CNPPD1: variants seen among roughly 807,000 people sequenced by gnomAD.
The protein encoded by CNPPD1 is cyclin Pas1/PHO80 domain containing 1.
In CNPPD1, 40 loss-of-function variants were observed where a neutral mutation model predicts 43.7. The observed-to-expected ratio is 0.92, with a 90% CI of 0.71 to 1.19. The LOEUF (loss-of-function observed/expected upper bound fraction) is 1.19. Ranked by LOEUF, CNPPD1 falls within the 50% of genes most tolerant of loss-of-function variation. The probability of loss-of-function intolerance (pLI) is 0.00; values close to 1 mark genes in which losing one functional copy is unlikely to be tolerated. For synonymous variants in CNPPD1, 208 were observed against 214.3 expected (o/e 0.97, Z 0.26); for missense variants, 511 against 518.5 (o/e 0.99, Z 0.14).
At chr2:219,177,119 G>A (rs1950186205), upstream of CNPPD1, 1 of 346,814 alleles carries the variant, frequency 2.9e-6, no homozygotes, top group East Asian at 4.5e-5. Flanking sequence ...GGAGCAGAAA[G>A]GAGATGCGGC....
chr2:219,176,747 GACCCCCACTC>G lies in CNPPD1; in HGVS notation c.69+3_69+12del. The G allele has an allele frequency of 6.4e-7, 1 of 1,557,174 alleles. No individual in the cohort carries two copies. Among genetic ancestry groups the G allele is most frequent in the East Asian group, 2.4e-5 (1 of 41,772 alleles). Reference sequence around the variant, plus strand: ...CGCCGGGAGGCCGGGGAGGGGGCGGGACCCCCACTCACCGTGAAGTCCTGGAAGCCGGCGA... The same window carrying G: ...CGCCGGGAGGCCGGGGAGGGGGCGGGACCGTGAAGTCCTGGAAGCCGGCGA... On this transcript the variant is annotated splice_donor_5th_base_variant and intron_variant, in intron 1 of 7. Transcript: ENST00000360507.
In CNPPD1 at chr2:219,175,142, A is replaced by G. The variant is rs1054047310; in HGVS notation, c.261-34T>C. 3.9e-6 allele frequency: 6 copies of G among 1,542,440 alleles called. No homozygotes were observed. The African/African-American group carries it at 6.9e-5, about 18-fold the overall frequency. On this transcript the variant is annotated intron_variant, in intron 3 of 7. Coordinates refer to ENST00000360507, the MANE Select transcript of CNPPD1 (RefSeq NM_015680.6). The stretch of plus-strand genomic sequence containing the variant: ...TAGAAAGGATCACTAATTAAACCCA[A>G]GGGTCCTTCAGCTCTTGCAAGTCTT...
chr2:219,175,112 G>A lies in CNPPD1; in HGVS notation c.261-4C>T. 1 of 1,584,224 alleles carries A rather than the reference G, an allele frequency of 6.3e-7. No individual in the cohort carries two copies. The highest frequency in any genetic ancestry group is 8.6e-7 in the Non-Finnish European group (1 of 1,166,818). On this transcript the variant is annotated splice_region_variant and splice_polypyrimidine_tract_variant and intron_variant, in intron 3 of 7. Transcript: ENST00000360507. Reference sequence around the variant, plus strand: ...ACATGGGGAGATGCATGCCTCCCTGGGTGGTAGAAAGGATCACTAATTAAA... The same window carrying A: ...ACATGGGGAGATGCATGCCTCCCTGAGTGGTAGAAAGGATCACTAATTAAA...
In CNPPD1 at chr2:219,174,788, AG is replaced by A; in HGVS notation, c.499del (p.Leu167Ter). On this transcript the variant is annotated frameshift_variant, in exon 5 of 8. Transcript: ENST00000360507. LOFTEE classifies it high-confidence loss of function. ...PTLNALERGF[L>X]SAMDWHLYTD... Reference sequence around the variant, plus strand: ...AGAACAGCTGCTCACCATGGCACTCAGGAAGCCCCTCTCCAAGGCATTGAGA... The same window carrying A: ...AGAACAGCTGCTCACCATGGCACTCAGAAGCCCCTCTCCAAGGCATTGAGA... 3.7e-6 allele frequency: 6 copies of A among 1,602,302 alleles called. No individual in the cohort carries two copies. Among genetic ancestry groups the A allele is most frequent in the Non-Finnish European group, 5.1e-6 (6 of 1,172,536 alleles).
At position 219,172,686 on chromosome 2, in the gene CNPPD1, GGCC is replaced by G; in HGVS notation, c.1130_1132del (p.Trp377_Pro378delinsSer). 6.2e-7 allele frequency: 1 copy of G among 1,614,064 alleles called. No individual in the cohort carries two copies. The highest frequency in any genetic ancestry group is 8.5e-7 in the Non-Finnish European group (1 of 1,179,956). The stretch of plus-strand genomic sequence containing the variant: ...AAGTGAAAGGAGCACCGGGCTCCAA[GGCC>G]AGGGGGGAGCCAGGCCATAGGTATG... On this transcript the variant is annotated inframe_deletion, in exon 8 of 8. Transcript: ENST00000360507.
At position 219,172,603 on chromosome 2, in the gene CNPPD1, A is replaced by C. The variant is rs966845468; in HGVS notation, c.1216T>G (p.Phe406Val). The C allele has an allele frequency of 1.9e-6, 3 of 1,614,040 alleles. No individual in the cohort carries two copies. The highest frequency in any genetic ancestry group is 2.7e-5 in the African/African-American group (2 of 74,922). ...SVMELARLKSFVFPG is the reference protein window; with the variant it reads ...SVMELARLKSVVFPG Reference sequence around the variant, plus strand: ...AGCCCTACCTAGCCTGGGAAAACGAAAGACTTGAGGCGAGCCAGCTCCATG... The same window carrying C: ...AGCCCTACCTAGCCTGGGAAAACGACAGACTTGAGGCGAGCCAGCTCCATG... The change falls in exon 8 of 8, where the codon TTC (phenylalanine) becomes GTC (valine). Residue 406 changes from phenylalanine to valine, a missense_variant. Phe to Val is a conservative substitution (Grantham distance 50, BLOSUM62 -1). Coordinates refer to ENST00000360507, the MANE Select transcript of CNPPD1 (RefSeq NM_015680.6).
intron 5 of CNPPD1, 117 bp from the exon 6 acceptor site, chr2:219,174,324 C>T: frequency 3.0e-6 from 3 of 1,000,014 alleles, no homozygotes; most frequent in Non-Finnish European, 1.6e-6. Context: ...TTGGCACTTA[C>T]CATGTGCCAG....
At chr2:219,173,304 C>G in intron 7 of CNPPD1, 46 bp downstream of exon 7, 1 of 1,559,748 alleles carries the variant, frequency 6.4e-7, no homozygotes, top group Middle Eastern at 1.9e-4. Context: ...TCCCACCCTA[C>G]ACACCGGCCT....
chr2:219,176,488 G>A (rs1950163839), intron 1 of CNPPD1, 157 bp from the exon 2 acceptor site: 3 of 633,186 alleles, frequency 4.7e-6, no homozygotes, highest in Non-Finnish European at 8.2e-6. Flanking sequence ...GCTTGCCAAT[G>A]GCAGCCTGGT....
chr2:219,177,907 T>TG (rs1330112351), upstream of CNPPD1: 1 of 152,520 alleles, frequency 6.6e-6, no homozygotes, highest in Non-Finnish European at 1.5e-5. Context: ...GGTTGAGTAA[T>TG]GGGACGGCCA....
At chr2:219,174,089 G>T in intron 6 of CNPPD1, 57 bp downstream of exon 6, 1 of 1,518,150 alleles carries the variant, frequency 6.6e-7, no homozygotes. Context: ...AGCTCCTATG[G>T]CTGAGGACTC....
intron 7 of CNPPD1, 71 bp from the exon 8 acceptor site, chr2:219,173,199 G>A: frequency 6.7e-7 from 1 of 1,488,342 alleles, no homozygotes; most frequent in East Asian, 2.3e-5. Context: ...AGAAATCTGT[G>A]TTCCAGTTGG....
In CNPPD1 at chr2:219,173,147, GA is replaced by G. The variant is rs1271558609; in HGVS notation, c.691-20del. 1 of 1,546,986 alleles carries G rather than the reference GA, an allele frequency of 6.5e-7. No individual in the cohort carries two copies. Among genetic ancestry groups the G allele is most frequent in the Non-Finnish European group, 8.7e-7 (1 of 1,151,250 alleles). On this transcript the variant is annotated intron_variant, in intron 7 of 7. Transcript: ENST00000360507. Reference sequence around the variant, plus strand: ...AAGACAGCTGCAGGAGAGGAGATAAGAAAGAAGGAATCTGTCTTTAACACAT... The same window carrying G: ...AAGACAGCTGCAGGAGAGGAGATAAGAAGAAGGAATCTGTCTTTAACACAT...
upstream of CNPPD1, chr2:219,177,088 T>G (rs956810951): frequency 2.4e-5 from 10 of 408,856 alleles, no homozygotes; most frequent in South Asian, 4.4e-4. Context: ...GTGTCAAGCG[T>G]CCGTGCGACG....
chr2:219,178,139 A>C, upstream of CNPPD1: 1 of 267,390 alleles, frequency 3.7e-6, no homozygotes, highest in South Asian at 1.9e-4. Flanking sequence ...GCGCAGTGTC[A>C]GCGGCAGCCG....
In CNPPD1 at chr2:219,172,796, C is replaced by T. The variant is rs757836517; in HGVS notation, c.1023G>A (p.Lys341=). Residue 341 remains lysine, a synonymous_variant, in exon 8 of 8, where the codon AAG becomes AAA. Transcript: ENST00000360507. ...GGCAGGTTGGGGAGTCTCTCTGGAG[C>T]TTCTGGCAAAGGTGGCAGTTATGAA... ...TLLHNCHLCQ[K]LQRDSPTCHA... The T allele has an allele frequency of 1.9e-6, 3 of 1,602,424 alleles. No homozygotes were observed. Among genetic ancestry groups the T allele is most frequent in the Middle Eastern group, 1.7e-4 (1 of 6,002 alleles).
chr2:219,175,169 T>G, intron 3 of CNPPD1, 61 bp from the exon 4 acceptor site: 1 of 1,515,654 alleles, frequency 6.6e-7, no homozygotes, highest in Non-Finnish European at 8.8e-7. Context: ...GCAAGTCTTA[T>G]GATGCTCGTT....
In CNPPD1 at chr2:219,172,659, G is replaced by A. The variant is rs968254835; in HGVS notation, c.1160C>T (p.Pro387Leu). ...WPWSPVLLSL[P>L]QPQQCSLFSV... ...GAAAAGGGAACATTGCTGAGGCTGA[G>A]GAAGTGAAAGGAGCACCGGGCTCCA... The change falls in exon 8 of 8, where the codon CCT becomes CTT. Residue 387 changes from proline to leucine, a missense_variant. By Grantham distance (98) the Pro-to-Leu change is moderately conservative (BLOSUM62 -3). Transcript: ENST00000360507. 1.9e-6 allele frequency: 3 copies of A among 1,614,070 alleles called. No homozygotes were observed. The highest frequency in any genetic ancestry group is 1.7e-6 in the Non-Finnish European group (2 of 1,180,042).
In CNPPD1 at chr2:219,173,010, A is replaced by G. The variant is rs1228687785; in HGVS notation, c.809T>C (p.Leu270Pro). The G allele has an allele frequency of 6.2e-7, 1 of 1,613,756 alleles. No individual in the cohort carries two copies. The highest frequency in any genetic ancestry group is 1.1e-5 in the South Asian group (1 of 91,088). The change falls in exon 8 of 8, where the codon CTT becomes CCT. Residue 270 changes from leucine (L) to proline (P), a missense_variant. By Grantham distance (98) the Leu-to-Pro change is moderately conservative. Coordinates refer to ENST00000360507, the MANE Select transcript of CNPPD1 (RefSeq NM_015680.6). ...CAGGAGGCAACGGGAGGTCAGTCCA[A>G]GGTCAGGCGGCCCAGGTGTAGGGAT... ...SCIPTPGPPD[L>P]GLTSRCLLEP...
Sources: gnomAD v4.1 joint callset for allele counts on GRCh38, gnomAD v4.1.1 for gene constraint, MANE v1.5 for transcripts, NCBI Gene and HGNC (gene_info 2026-07-23, HGNC 2026-07-21) for gene names.